CEP63: variants seen among roughly 807,000 people sequenced by gnomAD.
CEP63 encodes centrosomal protein 63.
In CEP63, 84 loss-of-function variants were observed where a neutral mutation model predicts 89.1. The ratio of observed to expected loss-of-function variants is 0.94; its 90% CI spans 0.79 to 1.13. CEP63 has a LOEUF of 1.13. Among genes scored for constraint, CEP63 ranks in the 50% most tolerant of loss-of-function variants. The probability of loss-of-function intolerance (pLI) is 0.00; values close to 1 mark genes in which losing one functional copy is unlikely to be tolerated. For synonymous variants in CEP63, 267 were observed against 272.5 expected, an observed-to-expected ratio of 0.98 and a Z score of 0.20; for missense variants, 838 against 813.3, an observed-to-expected ratio of 1.03 and a Z score of -0.37.
the CEP63 span, chr3:134,603,524 T>C: frequency 6.7e-7 from 1 of 1,498,934 alleles, no homozygotes; most frequent in East Asian, 2.3e-5. Flanking sequence ...CTTCGAGCCC[T>C]CCCTGGGGAG....
At chr3:134,604,461 G>A in the CEP63 span, 1 of 1,605,746 alleles carries the variant, frequency 6.2e-7, no homozygotes, top group Admixed American at 1.7e-5. Flanking sequence ...TGGTGACCGT[G>A]GCCTTCCCAT....
chr3:134,706,670 A>T, the CEP63 span, among the ~76,000 whole-genome samples: 1 of 152,224 alleles, frequency 6.6e-6, no homozygotes, highest in Non-Finnish European at 1.5e-5. Flanking sequence ...TTATGCAAAC[A>T]TGGTGGCTTA....
rs1045364968 is a variant in CEP63, at chr3:134,564,214, C to T, written c.*2679C>T. On this transcript the variant is annotated 3_prime_UTR_variant, in exon 15 of 15. Coordinates refer to ENST00000675561, the MANE Select transcript of CEP63 (RefSeq NM_001353108.3). The stretch of plus-strand genomic sequence containing the variant: ...CTCATCACCCAGCACAAGCCCAACA[C>T]TTAGGAGAGGCTCAGCTAGTTTGAA... 1.2e-5 allele frequency: 12 copies of T among 982,712 alleles called. No individual in the cohort carries two copies. The highest frequency in any genetic ancestry group is 1.3e-5 in the Non-Finnish European group (11 of 827,622). 60.9% of individuals were successfully genotyped at this position (982,712 alleles called of 1,614,324 possible). A position where few individuals can be genotyped will look rare whatever the true frequency, so the allele number is the denominator to read the frequency against.
At chr3:134,567,097 A>T (rs1411649662), downstream of CEP63, among the ~76,000 whole-genome samples, 1 of 152,166 alleles carries the variant, frequency 6.6e-6, no homozygotes, top group Non-Finnish European at 1.5e-5. Flanking sequence ...GATTTGAATG[A>T]AGTATTATAC....
chr3:134,775,752 C>G, the CEP63 span, among the ~76,000 whole-genome samples: 8 of 152,122 alleles, frequency 5.3e-5, no homozygotes, highest in Admixed American at 5.2e-4. Flanking sequence ...TCCTATTTGT[C>G]CATCCGATTG....
intron 14 of CEP63, among the ~76,000 whole-genome samples, chr3:134,559,983 C>T (rs149177938): frequency 1.3e-5 from 2 of 152,340 alleles, no homozygotes; most frequent in South Asian, 2.1e-4. Context: ...AAGCACTTGC[C>T]ATGGGCCCTT....
upstream of CEP63, chr3:134,485,975 C>T (rs1302411255): frequency 8.4e-6 from 8 of 955,014 alleles, no homozygotes; most frequent in Non-Finnish European, 9.8e-6. Context: ...CCGCGGCAGA[C>T]GCTTGCTCCT....
At chr3:134,604,440 G>C in the CEP63 span, 2 of 1,612,700 alleles carry the variant, frequency 1.2e-6, no homozygotes, top group Non-Finnish European at 1.7e-6. Context: ...GCGTCGGGGC[G>C]CAGCTCTCAA....
At chr3:134,599,097 C>A in the CEP63 span, among the ~76,000 whole-genome samples, 1 of 152,204 alleles carries the variant, frequency 6.6e-6, no homozygotes, top group Non-Finnish European at 1.5e-5. Context: ...TAACTGACAA[C>A]CCCAGGCCCA....
At chr3:134,660,909 C>G in the CEP63 span, among the ~76,000 whole-genome samples, 1 of 152,084 alleles carries the variant, frequency 6.6e-6, no homozygotes, top group Non-Finnish European at 1.5e-5. Flanking sequence ...GTCCTCAGCC[C>G]CTTTCTGGGC....
At chr3:134,729,984 G>A in the CEP63 span, among the ~76,000 whole-genome samples, 1 of 152,078 alleles carries the variant, frequency 6.6e-6, no homozygotes, top group African/African-American at 2.4e-5. Context: ...TGATGAGCTG[G>A]GTGTCTAAAA....
intron 3 of CEP63, among the ~76,000 whole-genome samples, chr3:134,512,145 C>A (rs1945125440): frequency 6.6e-6 from 1 of 152,200 alleles, no homozygotes; most frequent in Non-Finnish European, 1.5e-5. Flanking sequence ...ATGTCTGTTA[C>A]ACTGAACGGT....
the CEP63 span, among the ~76,000 whole-genome samples, chr3:134,761,164 C>G: frequency 6.6e-6 from 1 of 152,170 alleles, no homozygotes; most frequent in Admixed American, 6.5e-5. Context: ...ATCCACTGTT[C>G]TATTTCATTT....
the CEP63 span, among the ~76,000 whole-genome samples, chr3:134,705,702 G>C: frequency 6.6e-6 from 1 of 152,202 alleles, no homozygotes; most frequent in Non-Finnish European, 1.5e-5. Flanking sequence ...CCTCAGAGCT[G>C]TTGGTGGCTG....
chr3:134,525,614 G>C (rs1948482698), intron 3 of CEP63, among the ~76,000 whole-genome samples: 1 of 152,326 alleles, frequency 6.6e-6, no homozygotes, highest in South Asian at 2.1e-4. Context: ...TTGCTTTATA[G>C]TATCACTGGT....
chr3:134,558,015 C>A, intron 12 of CEP63, 127 bp from the exon 13 acceptor site: 1 of 797,674 alleles, frequency 1.3e-6, no homozygotes, highest in Non-Finnish European at 2.1e-6. Flanking sequence ...GGCCTAAAAA[C>A]AAAGCTTCAT....
At chr3:134,628,343 T>C in the CEP63 span, among the ~76,000 whole-genome samples, 1 of 152,196 alleles carries the variant, frequency 6.6e-6, no homozygotes, top group Non-Finnish European at 1.5e-5. Flanking sequence ...AAAGGCAGAA[T>C]TGTAGCCAAT....
chr3:134,643,667 G>A, the CEP63 span, among the ~76,000 whole-genome samples: 5 of 152,190 alleles, frequency 3.3e-5, no homozygotes, highest in Non-Finnish European at 5.9e-5. Context: ...CATGGTCTTT[G>A]TAGCCATAAC....
At position 134,561,531 on chromosome 3, in the gene CEP63, AGT is replaced by A. The variant is rs766453471; in HGVS notation, c.2109_2110del (p.Ter704AlafsTer3). 47 of 1,613,226 alleles carry A rather than the reference AGT, an allele frequency of 2.9e-5. 1 individual carries two copies. In the South Asian group the frequency reaches 4.9e-4, roughly 17 times the overall value. ...ACAGTGAGACAATTCACAGCCTTAA[AGT>A]AGCCTCTTAAAAAAATCACTATCTT... On this transcript the variant is annotated frameshift_variant and stop_lost, in exon 15 of 15. Coordinates refer to ENST00000675561, the MANE Select transcript of CEP63 (RefSeq NM_001353108.3). LOFTEE classifies it high-confidence loss of function.
Sources: allele counts gnomAD v4.1 joint callset (sites outside exome capture counted in the v4.1 genomes callset), GRCh38; gene constraint gnomAD v4.1.1; transcripts MANE v1.5; gene names NCBI Gene and HGNC (gene_info 2026-07-23, HGNC 2026-07-21).